Variants in H3-3B observed in about 807,000 individuals in gnomAD.
H3-3B encodes the protein H3.3 histone B.
Under a neutral mutation model 13.1 loss-of-function variants are expected in H3-3B, and 2 were observed. The observed-to-expected ratio is 0.15, with a 90% CI of 0.06 to 0.48. H3-3B has a LOEUF of 0.48. Ranked by LOEUF, H3-3B falls within the 20% of genes least tolerant of loss-of-function variation. H3-3B has a pLI of 0.97. For missense variants in H3-3B, 39 were observed against 186.0 expected (o/e 0.21, Z 4.60); for synonymous variants, 133 against 75.8 (o/e 1.76, Z -3.92).
At chr17:75,779,480 G>A (rs934358199) in intron 1 of H3-3B, 177 bp downstream of exon 1, 11 of 236,948 alleles carry the variant, frequency 4.6e-5, no homozygotes, top group African/African-American at 9.0e-5. Flanking sequence ...AATCACCGCC[G>A]GGAAAAGGCG....
At chr17:75,779,314 A>G (rs1307576506) in intron 1 of H3-3B, 130 bp from the exon 2 acceptor site, 6 of 1,059,458 alleles carry the variant, frequency 5.7e-6, no homozygotes, top group South Asian at 3.2e-5. Flanking sequence ...TCGCGGCAGC[A>G]GATGGCCGAG....
Position 75,778,515 on chromosome 17 carries a change from A to G in H3-3B, c.*80T>C. 1 of 1,537,782 alleles carries G rather than the reference A, an allele frequency of 6.5e-7. No homozygotes were observed. Among genetic ancestry groups the G allele is most frequent in the South Asian group, 1.2e-5 (1 of 80,164 alleles). ...GTACAAATGCAACATATTATAAACAATTTCTTACAAAAAAAGTCACAAATT... is the reference window on the plus strand; with the variant it reads ...GTACAAATGCAACATATTATAAACAGTTTCTTACAAAAAAAGTCACAAATT... On this transcript the variant is annotated 3_prime_UTR_variant, in exon 4 of 4. Coordinates refer to ENST00000254810, the MANE Select transcript of H3-3B (RefSeq NM_005324.5).
In H3-3B at chr17:75,777,505, A is replaced by C. The variant is rs1367315430; in HGVS notation, c.*1090T>G. Reference sequence around the variant, plus strand: ...TAAATTTAGTCAACATACATAATTGACCTAAAAACTTCAGTAAATTTTAAA... The same window carrying C: ...TAAATTTAGTCAACATACATAATTGCCCTAAAAACTTCAGTAAATTTTAAA... On this transcript the variant is annotated 3_prime_UTR_variant, in exon 4 of 4. Transcript: ENST00000254810. 1 of 152,626 alleles carries C rather than the reference A, an allele frequency of 6.6e-6. No homozygotes were observed. The highest frequency in any genetic ancestry group is 1.5e-5 in the Non-Finnish European group (1 of 68,034). The allele number at this position is 152,626 out of a possible 1,614,324, so 9.5% of individuals were successfully genotyped here. A position where few individuals can be genotyped will look rare whatever the true frequency, so the allele number is the denominator to read the frequency against.
Position 75,777,240 on chromosome 17 carries a change from CTT to C in H3-3B, c.*1353_*1354del, listed in dbSNP as rs1308802084. ...GGGGGCTGAAAAGCTTATTAATATA[CTT>C]TGTCTTAGCCCACACTGCAAATACA... On this transcript the variant is annotated 3_prime_UTR_variant, in exon 4 of 4. Coordinates refer to ENST00000254810, the MANE Select transcript of H3-3B (RefSeq NM_005324.5). 5.3e-5 allele frequency: 8 copies of C among 152,124 alleles called. No homozygotes were observed. The highest frequency in any genetic ancestry group is 8.8e-5 in the Non-Finnish European group (6 of 68,028). The allele number at this position is 152,124 out of a possible 1,614,324, so 9.4% of individuals were successfully genotyped here. A position where few individuals can be genotyped will look rare whatever the true frequency, so the allele number is the denominator to read the frequency against.
chr17:75,779,208 AGGC>A (rs2061653877), intron 1 of H3-3B, 24 bp from the exon 2 acceptor site: 8 of 1,463,626 alleles, frequency 5.5e-6, no homozygotes, highest in Non-Finnish European at 7.2e-6. Context: ...CCCGAAGATA[AGGC>A]CGCCGCGCTC....
At position 75,776,798 on chromosome 17, in the gene H3-3B, TACA is replaced by T. The variant is rs1390721045; in HGVS notation, c.*1794_*1796del. 6.6e-6 allele frequency: 1 copy of T among 152,272 alleles called. No homozygotes were observed. Among genetic ancestry groups the T allele is most frequent in the African/African-American group, 2.4e-5 (1 of 41,460 alleles). 9.4% of individuals were successfully genotyped at this position (152,272 alleles called of 1,614,324 possible). On this transcript the variant is annotated 3_prime_UTR_variant, in exon 4 of 4. Coordinates refer to ENST00000254810, the MANE Select transcript of H3-3B (RefSeq NM_005324.5). ...TTGTGTACTTTGTTTCCAGACACGC[TACA>T]GCATAGCACGTTCCAACATCTGATC...
Position 75,779,087 on chromosome 17 carries a change from C to A in H3-3B, c.88G>T (p.Ala30Ser). 2 of 1,606,708 alleles carry A rather than the reference C, an allele frequency of 1.2e-6. No homozygotes were observed. Among genetic ancestry groups the A allele is most frequent in the Non-Finnish European group, 8.5e-7 (1 of 1,177,258 alleles). The change falls in exon 2 of 4, where the codon GCT becomes TCT. Residue 30 changes from alanine to serine, a missense_variant. Physicochemically the swap from Ala to Ser is moderately conservative, Grantham distance 99. Transcript: ENST00000254810. Reference sequence around the variant, plus strand: ...TTCTTCACCCCGCCGGTAGAGGGAGCGCTTTTCCTGGCGGCTTTCGTGGCC... The same window carrying A: ...TTCTTCACCCCGCCGGTAGAGGGAGAGCTTTTCCTGGCGGCTTTCGTGGCC... ...QLATKAARKS[A>S]PSTGGVKKPH...
rs2061642661 is a variant in H3-3B, at chr17:75,777,234, A to G, written c.*1361T>C. 6.6e-6 allele frequency: 1 copy of G among 152,172 alleles called. No homozygotes were observed. The highest frequency in any genetic ancestry group is 2.1e-4 in the South Asian group (1 of 4,834). The allele number at this position is 152,172 out of a possible 1,614,324, so 9.4% of individuals were successfully genotyped here. ...GAGTGGGGGGGCTGAAAAGCTTATT[A>G]ATATACTTTGTCTTAGCCCACACTG... On this transcript the variant is annotated 3_prime_UTR_variant, in exon 4 of 4. Transcript: ENST00000254810.
rs531494583 is a variant in H3-3B, at chr17:75,777,616, G to A, written c.*979C>T. 1.3e-5 allele frequency: 2 copies of A among 152,650 alleles called. No homozygotes were observed. Among genetic ancestry groups the A allele is most frequent in the African/African-American group, 4.8e-5 (2 of 41,582 alleles). The allele number at this position is 152,650 out of a possible 1,614,324, so 9.5% of individuals were successfully genotyped here. On this transcript the variant is annotated 3_prime_UTR_variant, in exon 4 of 4. Transcript: ENST00000254810. ...TAACCCAACACCATCTTAATTGGCA[G>A]AGGTTCAGTGGGCTGGAGTTTTGTG...
In H3-3B at chr17:75,779,189, G is replaced by A. The variant is rs74374260; in HGVS notation, c.-10-5C>T. On this transcript the variant is annotated splice_region_variant and splice_polypyrimidine_tract_variant and intron_variant, in intron 1 of 3. Coordinates refer to ENST00000254810, the MANE Select transcript of H3-3B (RefSeq NM_005324.5). ...GTTCGGGCCATTTTCTTTCACCTAA[G>A]AAAGACGCCCCGAAGATAAGGCCGC... 956 of 1,492,854 alleles carry A rather than the reference G, an allele frequency of 6.4e-4. 2 individuals are homozygous for A. In the Middle Eastern group the frequency reaches 7.1e-3, roughly 11 times the overall value. The allele number at this position is 1,492,854 out of a possible 1,614,324, so 92.5% of individuals were successfully genotyped here. A position where few individuals can be genotyped will look rare whatever the true frequency, so the allele number is the denominator to read the frequency against.
At position 75,777,542 on chromosome 17, in the gene H3-3B, G is replaced by A. The variant is rs542787775; in HGVS notation, c.*1053C>T. 2.0e-5 allele frequency: 3 copies of A among 152,674 alleles called. No homozygotes were observed. The highest frequency in any genetic ancestry group is 2.1e-4 in the South Asian group (1 of 4,826). The allele number at this position is 152,674 out of a possible 1,614,324, so 9.5% of individuals were successfully genotyped here. A position where few individuals can be genotyped will look rare whatever the true frequency, so the allele number is the denominator to read the frequency against. ...CAGTAAATTTTAAAACCACTTGGAA[G>A]GCCATCTCTATAAAAATGATTTTCC... On this transcript the variant is annotated 3_prime_UTR_variant, in exon 4 of 4. Coordinates refer to ENST00000254810, the MANE Select transcript of H3-3B (RefSeq NM_005324.5).
rs1039629049 is a variant in H3-3B at position 75,776,885 on chromosome 17, G to A, written c.*1710C>T. On this transcript the variant is annotated 3_prime_UTR_variant, in exon 4 of 4. Transcript: ENST00000254810. The stretch of plus-strand genomic sequence containing the variant: ...GTGTGCTTGTTCCAGAGCTGATTAT[G>A]AACTTTCTAGAAAAGCGGGTCATTA... The A allele has an allele frequency of 1.3e-5, 2 of 152,200 alleles. No homozygotes were observed. The highest frequency in any genetic ancestry group is 4.8e-5 in the African/African-American group (2 of 41,454). The allele number at this position is 152,200 out of a possible 1,614,324, so 9.4% of individuals were successfully genotyped here. A position where few individuals can be genotyped will look rare whatever the true frequency, so the allele number is the denominator to read the frequency against.
At position 75,777,964 on chromosome 17, in the gene H3-3B, A is replaced by C. The variant is rs1638629142; in HGVS notation, c.*631T>G. 1 of 152,820 alleles carries C rather than the reference A, an allele frequency of 6.5e-6. No individual in the cohort carries two copies. Among genetic ancestry groups the C allele is most frequent in the South Asian group, 2.1e-4 (1 of 4,844 alleles). The allele number at this position is 152,820 out of a possible 1,614,324, so 9.5% of individuals were successfully genotyped here. A position where few individuals can be genotyped will look rare whatever the true frequency, so the allele number is the denominator to read the frequency against. On this transcript the variant is annotated 3_prime_UTR_variant, in exon 4 of 4. Coordinates refer to ENST00000254810, the MANE Select transcript of H3-3B (RefSeq NM_005324.5). ...TACTATGAGAACAAGTGCAGTCAGAAGAAAACCAACTGGACTCTAAATTAC... is the reference window on the plus strand; with the variant it reads ...TACTATGAGAACAAGTGCAGTCAGACGAAAACCAACTGGACTCTAAATTAC...
rs1025399067 is a variant in H3-3B at position 75,777,226 on chromosome 17, A to G, written c.*1369T>C. 3 of 148,530 alleles carry G rather than the reference A, an allele frequency of 2.0e-5. No homozygotes were observed. Among genetic ancestry groups the G allele is most frequent in the Non-Finnish European group, 2.9e-5 (2 of 67,942 alleles). The allele number at this position is 148,530 out of a possible 1,614,324, so 9.2% of individuals were successfully genotyped here. ...CGGAACGGGAGTGGGGGGGCTGAAA[A>G]GCTTATTAATATACTTTGTCTTAGC... On this transcript the variant is annotated 3_prime_UTR_variant, in exon 4 of 4. Coordinates refer to ENST00000254810, the MANE Select transcript of H3-3B (RefSeq NM_005324.5).
chr17:75,778,744 A>C, intron 3 of H3-3B, 21 bp from the exon 4 acceptor site: 2 of 1,614,056 alleles, frequency 1.2e-6, no homozygotes, highest in South Asian at 2.2e-5. Context: ...CGAGAGCCGC[A>C]CTATTAATCC....
chr17:75,778,426 A>T lies in H3-3B; in HGVS notation c.*169T>A. ...GTCACTCCTGAGCAACAGTGCTCAC[A>T]TCACTGAGGTCTGTGAACAGTCACT... On this transcript the variant is annotated 3_prime_UTR_variant, in exon 4 of 4. Coordinates refer to ENST00000254810, the MANE Select transcript of H3-3B (RefSeq NM_005324.5). 4 of 895,976 alleles carry T rather than the reference A, an allele frequency of 4.5e-6. No homozygotes were observed. The highest frequency in any genetic ancestry group is 6.7e-6 in the Non-Finnish European group (4 of 592,722). The allele number at this position is 895,976 out of a possible 1,614,324, so 55.5% of individuals were successfully genotyped here.
chr17:75,779,010 G>T (rs937677994), intron 2 of H3-3B, 37 bp downstream of exon 2: 12 of 1,612,204 alleles, frequency 7.4e-6, no homozygotes, highest in Non-Finnish European at 1.0e-5. Flanking sequence ...GCACAAAGCC[G>T]GCCACCGCCG....
In H3-3B at chr17:75,777,701, T is replaced by C. The variant is rs1464036822; in HGVS notation, c.*894A>G. 3.3e-5 allele frequency: 5 copies of C among 152,574 alleles called. No individual in the cohort carries two copies. Among genetic ancestry groups the C allele is most frequent in the African/African-American group, 9.6e-5 (4 of 41,580 alleles). The allele number at this position is 152,574 out of a possible 1,614,324, so 9.5% of individuals were successfully genotyped here. On this transcript the variant is annotated 3_prime_UTR_variant, in exon 4 of 4. Transcript: ENST00000254810. ...GCCACAAGAAAAAGAACTTCGGTACTGTTTCCTCAGCAGAGGAGAAAAACT... is the reference window on the plus strand; with the variant it reads ...GCCACAAGAAAAAGAACTTCGGTACCGTTTCCTCAGCAGAGGAGAAAAACT...
In H3-3B at chr17:75,779,027, T is replaced by C. The variant is rs1041834044; in HGVS notation, c.128+20A>G. 1 of 1,609,656 alleles carries C rather than the reference T, an allele frequency of 6.2e-7. No individual in the cohort carries two copies. Among genetic ancestry groups the C allele is most frequent in the Admixed American group, 1.7e-5 (1 of 59,700 alleles). On this transcript the variant is annotated intron_variant, in intron 2 of 3. Transcript: ENST00000254810. ...ACAAAGCCGGCCACCGCCGGGCCAT[T>C]GTTCCCCCGCCCGACCTACCTGTAG...
Sources: gnomAD v4.1 joint callset for allele counts on GRCh38, gnomAD v4.1.1 for gene constraint, MANE v1.5 for transcripts, NCBI Gene and HGNC (gene_info 2026-07-23, HGNC 2026-07-21) for gene names.